The following ASF1A variants were observed in gnomAD, a reference collection of about 807,000 sequenced individuals.
ASF1A encodes the protein histone chaperone ASF1A.
Under a neutral mutation model 22.0 loss-of-function variants are expected in ASF1A, and 5 were observed. That is an observed-to-expected ratio of 0.23 (90% confidence interval 0.12 to 0.48). ASF1A has a LOEUF of 0.48. ASF1A is among the 20% of genes least tolerant of loss of function. ASF1A has a pLI of 0.99. For synonymous variants in ASF1A, 97 were observed against 86.7 expected, an observed-to-expected ratio of 1.12 and a Z score of -0.66; for missense variants, 137 against 240.6, an observed-to-expected ratio of 0.57 and a Z score of 2.85.
At chr6:118,899,080 C>T (rs1252339412) in intron 1 of ASF1A, among the ~76,000 whole-genome samples, 11 of 152,292 alleles carry the variant, frequency 7.2e-5, no homozygotes, top group Non-Finnish European at 1.0e-4. Context: ...AGGATTTTAT[C>T]CAGAATATAA....
At chr6:118,905,860 T>G in intron 3 of ASF1A, 32 bp downstream of exon 3, 1 of 1,483,614 alleles carries the variant, frequency 6.7e-7, no homozygotes, top group Non-Finnish European at 9.1e-7. Context: ...TTTAACTACT[T>G]TTACTATGCA....
chr6:118,907,462 G>T lies in ASF1A; in HGVS notation c.463G>T (p.Asp155Tyr), dbSNP rs184693166. The T allele has an allele frequency of 6.2e-7, 1 of 1,612,814 alleles. No homozygotes were observed. The highest frequency in any genetic ancestry group is 1.7e-5 in the Admixed American group (1 of 59,814). The change falls in exon 4 of 4, where the codon GAT becomes TAT. Residue 155 changes from aspartate (D) to tyrosine (Y), a missense_variant. Asp to Tyr is a radical substitution (Grantham distance 160). Around this residue, in one of 2 missense-constraint regions of ASF1A, gnomAD observed 96 missense variants for 196.7 expected, o/e 0.49. Transcript: ENST00000229595. ...CACAAGATTCCACATTAATTGGGAA[G>T]ATAACACAGAAAAACTGGAAGATGC... ...RVTRFHINWEDNTEKLEDAES... is the reference protein window; with the variant it reads ...RVTRFHINWEYNTEKLEDAES...
At chr6:118,899,185 T>C (rs1779636554) in intron 1 of ASF1A, among the ~76,000 whole-genome samples, 1 of 152,218 alleles carries the variant, frequency 6.6e-6, no homozygotes, top group South Asian at 2.1e-4. Flanking sequence ...CCTCTTACAC[T>C]CTATATTGAA....
chr6:118,894,194 C>G lies in ASF1A; in HGVS notation c.-220C>G. 1 of 1,335,130 alleles carries G rather than the reference C, an allele frequency of 7.5e-7. No homozygotes were observed. The allele number at this position is 1,335,130 out of a possible 1,614,324, so 82.7% of individuals were successfully genotyped here. On this transcript the variant is annotated 5_prime_UTR_variant, in exon 1 of 4. It adds an upstream start codon to the 5' untranslated region. Coordinates refer to ENST00000229595, the MANE Select transcript of ASF1A (RefSeq NM_014034.3). ...AATCGAGGGCAACGCTGCTACTTAT[C>G]AGAGCAGAATGGGCTGTAGTTTAGT...
In ASF1A at chr6:118,899,910, G is replaced by A. The variant is rs1779686958; in HGVS notation, c.110-856G>A. Among the ~76,000 whole-genome samples the A allele has an allele frequency of 3.9e-5, 6 of 152,172 alleles. No homozygotes were observed. In the South Asian group the frequency reaches 1.2e-3, roughly 31 times the overall value. On this transcript the variant is annotated intron_variant, in intron 1 of 3. Transcript: ENST00000229595. ...AAGATGAAGAGGTCTCTCAGAGATG[G>A]TTTGTATTACAAAGTTATCTTCTTC...
In ASF1A at chr6:118,907,922, A is replaced by G. The variant is rs1424163684; in HGVS notation, c.*308A>G. The G allele has an allele frequency of 1.9e-5, 4 of 206,042 alleles. No individual in the cohort carries two copies. The highest frequency in any genetic ancestry group is 9.9e-6 in the Non-Finnish European group (1 of 101,494). The allele number at this position is 206,042 out of a possible 1,614,324, so 12.8% of individuals were successfully genotyped here. A position where few individuals can be genotyped will look rare whatever the true frequency, so the allele number is the denominator to read the frequency against. On this transcript the variant is annotated 3_prime_UTR_variant, in exon 4 of 4. Transcript: ENST00000229595. ...ATAAAGAAACAGGAATCATTAGACC[A>G]GGTTGTAAAGATGTCTTGGCCTCCC...
intron 2 of ASF1A, among the ~76,000 whole-genome samples, chr6:118,903,029 G>A (rs1779909379): frequency 6.6e-6 from 1 of 152,144 alleles, no homozygotes; most frequent in Non-Finnish European, 1.5e-5. Context: ...AGGCCTGTAA[G>A]CTTCTCTACT....
Position 118,907,520 on chromosome 6 carries a change from TTTC to T in ASF1A, c.522_524del (p.Ser175del). ...AGTAATCCAAATCTACAGTCACTTC[TTTC>T]AACAGATGCATTACCTTCAGCATCA... On this transcript the variant is annotated inframe_deletion, in exon 4 of 4. Coordinates refer to ENST00000229595, the MANE Select transcript of ASF1A (RefSeq NM_014034.3). 1.9e-6 allele frequency: 3 copies of T among 1,613,698 alleles called. No homozygotes were observed. Among genetic ancestry groups the T allele is most frequent in the Non-Finnish European group, 2.5e-6 (3 of 1,179,692 alleles).
At chr6:118,900,647 G>C in intron 1 of ASF1A, 119 bp from the exon 2 acceptor site, 1 of 712,888 alleles carries the variant, frequency 1.4e-6, no homozygotes, top group Non-Finnish European at 2.5e-6. Flanking sequence ...TTTCTGGATT[G>C]CTATGAGAAG....
chr6:118,904,105 A>C (rs1462107889), intron 2 of ASF1A, among the ~76,000 whole-genome samples: 4 of 152,160 alleles, frequency 2.6e-5, no homozygotes, highest in Non-Finnish European at 4.4e-5. Flanking sequence ...GAGAAAGAAC[A>C]TATCTGTGTT....
chr6:118,894,649 G>C, intron 1 of ASF1A, 127 bp downstream of exon 1: 1 of 806,198 alleles, frequency 1.2e-6, no homozygotes, highest in East Asian at 2.8e-5. Context: ...TCTGCGGAGG[G>C]AAACTTGAAG....
In ASF1A at chr6:118,907,550, A is replaced by G. The variant is rs1780260446; in HGVS notation, c.551A>G (p.Lys184Arg). The G allele has an allele frequency of 1.2e-6, 2 of 1,613,662 alleles. No individual in the cohort carries two copies. The highest frequency in any genetic ancestry group is 2.2e-5 in the South Asian group (2 of 91,090). ...LSTDALPSASKGWSTSENSLN... is the reference protein window; with the variant it reads ...LSTDALPSASRGWSTSENSLN... ...ACAGATGCATTACCTTCAGCATCAA[A>G]GGGATGGTCCACATCAGAAAACTCA... is the stretch of plus-strand genomic sequence containing the variant. Residue 184 changes from lysine (K) to arginine (R), a missense_variant, in exon 4 of 4, where the codon AAG becomes AGG. Around this residue, in one of 2 missense-constraint regions of ASF1A, gnomAD observed 41 missense variants for 43.9 expected, o/e 0.93. Transcript: ENST00000229595.
intron 2 of ASF1A, among the ~76,000 whole-genome samples, chr6:118,901,251 AAACT>A (rs1335704063): frequency 1.3e-5 from 2 of 152,180 alleles, no homozygotes; most frequent in Non-Finnish European, 2.9e-5. Flanking sequence ...AAAATATCTA[AAACT>A]AACTGGCATT....
intron 2 of ASF1A, among the ~76,000 whole-genome samples, chr6:118,904,900 C>T (rs1331802271): frequency 6.6e-6 from 1 of 152,164 alleles, no homozygotes; most frequent in African/African-American, 2.4e-5. Flanking sequence ...TGCAGTAGTG[C>T]GATCTCAGCT....
chr6:118,908,634 A>C lies in ASF1A; in HGVS notation c.*1020A>C, dbSNP rs1243262477. ...ATGAGATCAGGCATATTTGTGGTTG[A>C]CATACTCTAGATAGCTTTTCCAACA... On this transcript the variant is annotated 3_prime_UTR_variant, in exon 4 of 4. Transcript: ENST00000229595. The C allele has an allele frequency of 6.6e-6, 1 of 152,180 alleles. No homozygotes were observed. Among genetic ancestry groups the C allele is most frequent in the African/African-American group, 2.4e-5 (1 of 41,452 alleles). The allele number at this position is 152,180 out of a possible 1,614,324, so 9.4% of individuals were successfully genotyped here. A position where few individuals can be genotyped will look rare whatever the true frequency, so the allele number is the denominator to read the frequency against.
At chr6:118,902,819 C>G (rs1178341777) in intron 2 of ASF1A, among the ~76,000 whole-genome samples, 1 of 152,180 alleles carries the variant, frequency 6.6e-6, no homozygotes, top group Non-Finnish European at 1.5e-5. Context: ...GACTAAATTA[C>G]AGCTTTTGTT....
At chr6:118,902,360 A>G (rs887140122) in intron 2 of ASF1A, among the ~76,000 whole-genome samples, 1 of 152,172 alleles carries the variant, frequency 6.6e-6, no homozygotes, top group African/African-American at 2.4e-5. Context: ...TCACTCATAA[A>G]GAGTGCCCTA....
rs1262394432 is a variant in ASF1A at position 118,909,067 on chromosome 6, TCTGA to T, written c.*1457_*1460del. On this transcript the variant is annotated 3_prime_UTR_variant, in exon 4 of 4. Transcript: ENST00000229595. Reference sequence around the variant, plus strand: ...TCATAGATTTTAAAAGTAAAATACTTCTGACTGTTAAAACTATATAAAGAAAATC... The same window carrying T: ...TCATAGATTTTAAAAGTAAAATACTTCTGTTAAAACTATATAAAGAAAATC... 1.3e-5 allele frequency: 2 copies of T among 152,224 alleles called. No individual in the cohort carries two copies. The highest frequency in any genetic ancestry group is 2.1e-4 in the South Asian group (1 of 4,816). The allele number at this position is 152,224 out of a possible 1,614,324, so 9.4% of individuals were successfully genotyped here. A position where few individuals can be genotyped will look rare whatever the true frequency, so the allele number is the denominator to read the frequency against.
chr6:118,904,892 C>G (rs891311500), intron 2 of ASF1A, among the ~76,000 whole-genome samples: 2 of 152,198 alleles, frequency 1.3e-5, no homozygotes, highest in Non-Finnish European at 2.9e-5. Context: ...GGCTGGAGTG[C>G]AGTAGTGCGA....
Sources: gnomAD v4.1 joint callset for allele counts (sites outside exome capture counted in the v4.1 genomes callset) on GRCh38, gnomAD v4.1.1 for gene constraint, gnomAD v4.1.1 regional missense constraint, MANE v1.5 for transcripts, NCBI Gene and HGNC (gene_info 2026-07-23, HGNC 2026-07-21) for gene names.